The following TASP1 variants were observed in gnomAD, a reference collection of about 807,000 sequenced individuals.
TASP1 encodes the protein threonine aspartase 1.
A neutral mutation model predicts 56.6 loss-of-function variants in TASP1; 16 were observed. The observed-to-expected ratio is 0.28, with a 90% CI of 0.19 to 0.43. The LOEUF is 0.43. Ranked by LOEUF, TASP1 falls within the 20% of genes least tolerant of loss-of-function variation. The pLI is 1.00. For missense variants in TASP1, 393 were observed against 511.6 expected (o/e 0.77, Z 2.24); for synonymous variants, 179 against 184.2 (o/e 0.97, Z 0.23).
chr20:13,299,463 G>A, the TASP1 span: 1 of 1,588,942 alleles, frequency 6.3e-7, no homozygotes, highest in South Asian at 1.1e-5. The surrounding 1 kb of genome is among the most constrained non-coding windows in gnomAD (Gnocchi z 5.8). Context: ...ATATTAAAGA[G>A]ACTGGGATGA....
the TASP1 span, among the ~76,000 whole-genome samples, chr20:13,127,643 AAAG>A: frequency 6.6e-6 from 1 of 152,218 alleles, no homozygotes; most frequent in Non-Finnish European, 1.5e-5. Flanking sequence ...TGATCTAGTT[AAAG>A]TAGTGTCTTC....
At chr20:13,497,073 T>C (rs117626118) in intron 10 of TASP1, among the ~76,000 whole-genome samples, 1 of 152,326 alleles carries the variant, frequency 6.6e-6, no homozygotes, top group East Asian at 1.9e-4. Flanking sequence ...TAAACAAGGC[T>C]GAATCCATTC....
At chr20:13,192,955 A>C in the TASP1 span, among the ~76,000 whole-genome samples, 1 of 152,186 alleles carries the variant, frequency 6.6e-6, no homozygotes, top group East Asian at 1.9e-4. Flanking sequence ...AAGGTACAGG[A>C]GAGAAAAATT....
At chr20:13,232,300 T>C in the TASP1 span, among the ~76,000 whole-genome samples, 6 of 152,224 alleles carry the variant, frequency 3.9e-5, no homozygotes, top group Admixed American at 1.3e-4. Flanking sequence ...TTCCTTGTGC[T>C]CCTCTGTGAG....
At chr20:13,401,994 C>T (rs1012383966) in intron 13 of TASP1, among the ~76,000 whole-genome samples, 1 of 152,102 alleles carries the variant, frequency 6.6e-6, no homozygotes, top group African/African-American at 2.4e-5. Flanking sequence ...TTTCATGTTG[C>T]TAAAATAAAG....
chr20:13,269,776 C>T, the TASP1 span, among the ~76,000 whole-genome samples: 1 of 152,166 alleles, frequency 6.6e-6, no homozygotes, highest in Non-Finnish European at 1.5e-5. Flanking sequence ...GTTCTTTGAT[C>T]TGATCTTATT....
At chr20:13,604,324 CTGTA>C (rs1199411321) in intron 4 of TASP1, among the ~76,000 whole-genome samples, 1 of 152,178 alleles carries the variant, frequency 6.6e-6, no homozygotes. Flanking sequence ...TAAGTTTTCA[CTGTA>C]TGAGTCCATG....
At chr20:13,166,804 C>T in the TASP1 span, 1 of 152,212 alleles carries the variant, frequency 6.6e-6, no homozygotes, top group Non-Finnish European at 1.5e-5. Flanking sequence ...CACATCTACA[C>T]TTCAAGTTTT....
chr20:13,605,860 T>C (rs1243216333), intron 4 of TASP1, among the ~76,000 whole-genome samples: 2 of 152,078 alleles, frequency 1.3e-5, no homozygotes, highest in African/African-American at 4.8e-5. Context: ...CTACAATGGT[T>C]TCCTAGCACA....
At chr20:13,558,064 G>A (rs748019795) in intron 8 of TASP1, among the ~76,000 whole-genome samples, 7 of 151,910 alleles carry the variant, frequency 4.6e-5, no homozygotes, top group Non-Finnish European at 8.8e-5. Context: ...TGATTATCTC[G>A]TGGCAACACA....
intron 8 of TASP1, among the ~76,000 whole-genome samples, chr20:13,557,090 T>C (rs940778508): frequency 6.6e-6 from 1 of 152,134 alleles, no homozygotes; most frequent in Non-Finnish European, 1.5e-5. Flanking sequence ...ATATTCTCCA[T>C]GAGATGCAGT....
At chr20:13,188,232 A>G in the TASP1 span, among the ~76,000 whole-genome samples, 2 of 152,138 alleles carry the variant, frequency 1.3e-5, no homozygotes, top group East Asian at 1.9e-4. Flanking sequence ...AAAGCACCCA[A>G]ATTTGAAAGG....
the TASP1 span, among the ~76,000 whole-genome samples, chr20:13,149,898 G>A: frequency 5.0e-3 from 769 of 152,296 alleles, 10 homozygotes; most frequent in Non-Finnish European, 8.6e-3. Context: ...GTTGGGAAAA[G>A]CAATTGAAGT....
chr20:13,601,536 C>A (rs112708120), intron 4 of TASP1, among the ~76,000 whole-genome samples: 19 of 152,086 alleles, frequency 1.2e-4, no homozygotes, highest in African/African-American at 4.3e-4. Context: ...TGAATAAATA[C>A]ATAAATAAAT....
chr20:13,471,809 A>T (rs1394469498), intron 11 of TASP1, among the ~76,000 whole-genome samples: 1 of 152,124 alleles, frequency 6.6e-6, no homozygotes, highest in Non-Finnish European at 1.5e-5. Flanking sequence ...GGTTCATCTC[A>T]TTGGGACTAC....
At chr20:13,540,066 A>C (rs1356887840) in intron 8 of TASP1, among the ~76,000 whole-genome samples, 2 of 152,328 alleles carry the variant, frequency 1.3e-5, no homozygotes, top group Non-Finnish European at 2.9e-5. Context: ...ACTCATACGC[A>C]GTTTAATTAA....
chr20:13,151,117 C>T, the TASP1 span, among the ~76,000 whole-genome samples: 1 of 152,192 alleles, frequency 6.6e-6, no homozygotes, highest in Non-Finnish European at 1.5e-5. Context: ...CTGCCCACCT[C>T]TCTTCTTTAT....
At chr20:13,557,291 G>A (rs117109193) in intron 8 of TASP1, among the ~76,000 whole-genome samples, 183 of 152,118 alleles carry the variant, frequency 1.2e-3, no homozygotes, top group African/African-American at 1.6e-3. Flanking sequence ...AGAATAAATC[G>A]GTGATACAAT....
At chr20:13,218,990 A>C in the TASP1 span, among the ~76,000 whole-genome samples, 1 of 152,398 alleles carries the variant, frequency 6.6e-6, no homozygotes, top group South Asian at 2.1e-4. Flanking sequence ...AAATTATTTT[A>C]CAAGAATTTA....
Sources: gnomAD v4.1 joint callset for allele counts (sites outside exome capture counted in the v4.1 genomes callset) on GRCh38, gnomAD v4.1.1 for gene constraint, Gnocchi (gnomAD v3.1) non-coding constraint, MANE v1.5 for transcripts, NCBI Gene and HGNC (gene_info 2026-07-23, HGNC 2026-07-21) for gene names.